The following PRELID2 variants were observed in gnomAD, a reference collection of about 807,000 sequenced individuals.
The protein encoded by PRELID2 is PRELI domain containing 2.
PRELID2 carries 25 observed loss-of-function variants against 28.4 expected under a neutral mutation model. The observed-to-expected ratio is 0.88, with a 90% CI of 0.64 to 1.23. PRELID2 has a LOEUF of 1.23. Among genes scored for constraint, PRELID2 ranks in the 50% most tolerant of loss-of-function variants. The pLI is 0.00. For missense variants in PRELID2, 201 were observed against 214.4 expected (o/e 0.94, Z 0.39); for synonymous variants, 76 against 71.6 (o/e 1.06, Z -0.31).
intron 1 of PRELID2, among the ~76,000 whole-genome samples, chr5:145,588,747 T>C (rs751006912): frequency 1.3e-4 from 19 of 151,910 alleles, no homozygotes; most frequent in Non-Finnish European, 1.9e-4. Context: ...CTCTCAAAAA[T>C]AGTGATGATG....
At chr5:145,564,946 C>A (rs1561507211) in intron 1 of PRELID2, among the ~76,000 whole-genome samples, 1 of 152,168 alleles carries the variant, frequency 6.6e-6, no homozygotes, top group Non-Finnish European at 1.5e-5. Flanking sequence ...TGAAGTGACA[C>A]CCCACCCTGC....
chr5:145,816,257 A>G (rs1415607050), intron 4 of PRELID2, among the ~76,000 whole-genome samples: 1 of 151,434 alleles, frequency 6.6e-6, no homozygotes, highest in African/African-American at 2.4e-5. Context: ...TAATTGTTGT[A>G]TTTTTAGTAG....
At chr5:145,560,320 A>G (rs2126691876) in intron 1 of PRELID2, among the ~76,000 whole-genome samples, 1 of 152,352 alleles carries the variant, frequency 6.6e-6, no homozygotes, top group East Asian at 1.9e-4. Flanking sequence ...CAAGTGCCAC[A>G]AAAACAGAAA....
chr5:145,570,852 T>G (rs929432286), intron 1 of PRELID2, among the ~76,000 whole-genome samples: 1 of 152,156 alleles, frequency 6.6e-6, no homozygotes, highest in Non-Finnish European at 1.5e-5. Flanking sequence ...TTCCCAAAGC[T>G]CCCCATCTTA....
At chr5:145,373,950 T>TTATATATTATAACATAATA in the PRELID2 span, among the ~76,000 whole-genome samples, 1 of 143,258 alleles carries the variant, frequency 7.0e-6, no homozygotes, top group African/African-American at 2.6e-5. Context: ...ATATATGATA[T>TTATATATTATAACATAATA]TATATGTTAT....
At position 145,643,634 on chromosome 5, in the gene PRELID2, A is replaced by G. The variant is rs138429119; in HGVS notation, n.70+121297T>C. ...TTCCAGTTTTTTCCCATCCAGTATG[A>G]TATTGACTGTGGGTTTGTCATAAAT... On this transcript the variant is annotated intron_variant and non_coding_transcript_variant, in intron 1 of 2. Coordinates refer to the PRELID2 transcript ENST00000510259. 5.9e-3 allele frequency among the ~76,000 whole-genome samples: 903 copies of G among 152,302 alleles called. 12 individuals carry two copies. Among genetic ancestry groups the G allele is most frequent in the African/African-American group, 0.02 (836 of 41,552 alleles).
At chr5:145,432,023 T>A in the PRELID2 span, among the ~76,000 whole-genome samples, 4 of 152,132 alleles carry the variant, frequency 2.6e-5, 1 homozygote, top group South Asian at 2.1e-4. Context: ...ACCTAGAACA[T>A]ATCTGACATA....
chr5:145,601,865 AATG>A (rs1278932633), intron 1 of PRELID2, among the ~76,000 whole-genome samples: 1 of 152,206 alleles, frequency 6.6e-6, no homozygotes, highest in Non-Finnish European at 1.5e-5. Context: ...ATCAACAAAT[AATG>A]ATATTATTAG....
chr5:145,556,047 G>C (rs534837977), intron 1 of PRELID2, among the ~76,000 whole-genome samples: 90 of 151,954 alleles, frequency 5.9e-4, no homozygotes, highest in Middle Eastern at 6.8e-3. Flanking sequence ...GTGTGGTGGC[G>C]TGTGCCTGTA....
At chr5:145,666,867 T>C (rs925182820) in intron 1 of PRELID2, among the ~76,000 whole-genome samples, 1 of 152,098 alleles carries the variant, frequency 6.6e-6, no homozygotes, top group Admixed American at 6.6e-5. Flanking sequence ...CCAGTTTTTG[T>C]GTTTATTTAT....
At chr5:145,249,834 T>C in the PRELID2 span, among the ~76,000 whole-genome samples, 1 of 151,870 alleles carries the variant, frequency 6.6e-6, no homozygotes, top group Non-Finnish European at 1.5e-5. Context: ...GAATGAAGAG[T>C]GAGGTGATAG....
At chr5:145,457,759 C>T in the PRELID2 span, among the ~76,000 whole-genome samples, 54 of 152,258 alleles carry the variant, frequency 3.5e-4, 1 homozygote, top group Middle Eastern at 3.4e-3. Flanking sequence ...GCTCAGTGGA[C>T]AAAAGTCTTC....
chr5:145,582,450 C>T (rs147607064), intron 1 of PRELID2, among the ~76,000 whole-genome samples: 4 of 152,058 alleles, frequency 2.6e-5, no homozygotes, highest in East Asian at 1.9e-4. Context: ...AGGGGGAAGT[C>T]GGCCCCCATG....
the PRELID2 span, among the ~76,000 whole-genome samples, chr5:145,361,036 A>G: frequency 1.3e-5 from 2 of 152,204 alleles, no homozygotes; most frequent in Non-Finnish European, 2.9e-5. Flanking sequence ...AAGCCTATGT[A>G]AAAATATTTT....
chr5:145,531,531 A>G (rs1752654996), intron 1 of PRELID2, among the ~76,000 whole-genome samples: 1 of 152,198 alleles, frequency 6.6e-6, no homozygotes, highest in African/African-American at 2.4e-5. Context: ...CACTGAAAGT[A>G]TGATTCACCT....
At chr5:145,404,583 G>A in the PRELID2 span, among the ~76,000 whole-genome samples, 1 of 152,146 alleles carries the variant, frequency 6.6e-6, no homozygotes, top group Non-Finnish European at 1.5e-5. Context: ...GGAGAGTGCA[G>A]GAAGAAAGAT....
At chr5:145,698,341 C>G (rs1463947456) in intron 1 of PRELID2, among the ~76,000 whole-genome samples, 1 of 152,166 alleles carries the variant, frequency 6.6e-6, no homozygotes, top group Non-Finnish European at 1.5e-5. Context: ...AGCTATGTCC[C>G]TATTATCTTG....
the PRELID2 span, among the ~76,000 whole-genome samples, chr5:145,337,556 C>G: frequency 6.6e-6 from 1 of 151,778 alleles, no homozygotes; most frequent in South Asian, 2.1e-4. Flanking sequence ...GGTTCCCCAA[C>G]TTGCTCCTCA....
chr5:145,540,363 C>T (rs1458848294), intron 1 of PRELID2, among the ~76,000 whole-genome samples: 5 of 151,962 alleles, frequency 3.3e-5, no homozygotes, highest in African/African-American at 1.2e-4. Context: ...TACAGAATTT[C>T]ACTCCCAGTA....
Sources: allele counts gnomAD v4.1 joint callset (sites outside exome capture counted in the v4.1 genomes callset), GRCh38; gene constraint gnomAD v4.1.1; transcripts MANE v1.5; gene names NCBI Gene and HGNC (gene_info 2026-07-23, HGNC 2026-07-21).